Variants in PON3 observed in about 807,000 individuals in gnomAD.
PON3 encodes serum paraoxonase/lactonase 3.
A neutral mutation model predicts 36.3 loss-of-function variants in PON3; 37 were observed. The ratio of observed to expected loss-of-function variants is 1.02; its 90% CI spans 0.78 to 1.34. PON3 has a LOEUF of 1.34. PON3 is among the 40% of genes most tolerant of loss of function. The probability of loss-of-function intolerance (pLI) is 0.00; values close to 1 mark genes in which losing one functional copy is unlikely to be tolerated. For missense variants in PON3, 415 were observed against 426.5 expected (o/e 0.97, Z 0.24); for synonymous variants, 155 against 154.8 (o/e 1.00, Z -0.01).
intron 3 of PON3, among the ~76,000 whole-genome samples, chr7:95,378,878 G>C (rs1280513245): frequency 6.6e-6 from 1 of 152,152 alleles, no homozygotes. Context: ...ACATCATAAT[G>C]ACAGGGCCAA....
rs111272106 is a variant in PON3, at chr7:95,390,869, C to T, written c.146-660G>A. Among the ~76,000 whole-genome samples, 114 of 152,252 alleles carry T rather than the reference C, an allele frequency of 7.5e-4. 1 individual carries two copies. Among genetic ancestry groups the T allele is most frequent in the African/African-American group, 2.4e-3 (101 of 41,552 alleles). On this transcript the variant is annotated intron_variant, in intron 2 of 8. Coordinates refer to ENST00000265627, the MANE Select transcript of PON3 (RefSeq NM_000940.3). ...GTTGAAAAAGGAGCTGTCACCTACA[C>T]TACGCCTGCACGACAGGCCCCATGC...
chr7:95,375,508 T>C (rs1454051430), intron 3 of PON3, among the ~76,000 whole-genome samples: 2 of 152,090 alleles, frequency 1.3e-5, no homozygotes, highest in African/African-American at 4.8e-5. Context: ...AGACTCTCTC[T>C]GCCACACATA....
At chr7:95,364,703 T>C (rs1808653039) in intron 5 of PON3, 1 of 156,756 alleles carries the variant, frequency 6.4e-6, no homozygotes, top group Admixed American at 6.1e-5. Context: ...CTTGGCAGTT[T>C]TGAGCCACCA....
intron 2 of PON3, among the ~76,000 whole-genome samples, chr7:95,391,343 TC>T (rs1382606624): frequency 6.6e-6 from 1 of 152,204 alleles, no homozygotes; most frequent in Non-Finnish European, 1.5e-5. Context: ...TACTCGATAA[TC>T]CTGCCTAGTG....
chr7:95,384,429 G>A (rs1201644389), intron 3 of PON3, among the ~76,000 whole-genome samples: 1 of 152,100 alleles, frequency 6.6e-6, no homozygotes, highest in African/African-American at 2.4e-5. Context: ...CCTACAGAAT[G>A]CAAGAAAATT....
chr7:95,377,473 G>T, intron 3 of PON3: 1 of 276,948 alleles, frequency 3.6e-6, no homozygotes, highest in South Asian at 2.8e-5. Context: ...TCCTCAAGTG[G>T]GTCTCTGACA....
Position 95,362,533 on chromosome 7 carries a change from T to C in PON3, c.778-43A>G, listed in dbSNP as rs778446325. 3.1e-6 allele frequency: 5 copies of C among 1,612,202 alleles called. No individual in the cohort carries two copies. In the African/African-American group the frequency reaches 6.7e-5, roughly 22 times the overall value. On this transcript the variant is annotated intron_variant, in intron 7 of 8. Coordinates refer to ENST00000265627, the MANE Select transcript of PON3 (RefSeq NM_000940.3). ...GTAGTGAAGACATTGTCTCAATGAT[T>C]CCTCGCTTTCTTCCCTATTCATCCC... is the stretch of plus-strand genomic sequence containing the variant.
chr7:95,377,401 C>T, intron 3 of PON3: 1 of 205,500 alleles, frequency 4.9e-6, no homozygotes, highest in South Asian at 5.2e-5. Flanking sequence ...TGTCTGACAG[C>T]TCTGAAGACA....
intron 4 of PON3, among the ~76,000 whole-genome samples, chr7:95,370,362 G>C (rs536498025): frequency 6.6e-6 from 1 of 152,132 alleles, no homozygotes; most frequent in Non-Finnish European, 1.5e-5. Flanking sequence ...TCAGACTGGA[G>C]AGATATTGGA....
intron 3 of PON3, among the ~76,000 whole-genome samples, chr7:95,387,246 G>A (rs1809216100): frequency 6.6e-6 from 1 of 152,082 alleles, no homozygotes; most frequent in African/African-American, 2.4e-5. Context: ...CCCATCATCT[G>A]AGCCTCAAAT....
chr7:95,371,130 A>G (rs1186939926), intron 4 of PON3, among the ~76,000 whole-genome samples: 1 of 152,134 alleles, frequency 6.6e-6, no homozygotes, highest in Non-Finnish European at 1.5e-5. Flanking sequence ...TGAGTAGTTC[A>G]TTTCTTTTTA....
intron 3 of PON3, among the ~76,000 whole-genome samples, chr7:95,376,334 C>T (rs1438439947): frequency 6.6e-6 from 1 of 152,160 alleles, no homozygotes. Context: ...TGTTTGTCAT[C>T]CCTAAATAGA....
intron 3 of PON3, among the ~76,000 whole-genome samples, chr7:95,382,392 CAA>C: frequency 6.6e-6 from 1 of 152,012 alleles, no homozygotes; most frequent in African/African-American, 2.4e-5. Flanking sequence ...AAAAACCCTT[CAA>C]AAAATCAATG....
intron 3 of PON3, among the ~76,000 whole-genome samples, chr7:95,382,568 T>C (rs1809085294): frequency 6.6e-6 from 1 of 152,204 alleles, no homozygotes; most frequent in Non-Finnish European, 1.5e-5. Flanking sequence ...CAGGATACTA[T>C]AAACACATCT....
intron 3 of PON3, among the ~76,000 whole-genome samples, chr7:95,383,085 G>T (rs1384560762): frequency 6.6e-6 from 1 of 152,102 alleles, no homozygotes; most frequent in Non-Finnish European, 1.5e-5. Context: ...CATATAAACA[G>T]AACTGAAGAT....
intron 3 of PON3, among the ~76,000 whole-genome samples, chr7:95,375,281 T>C (rs1221609875): frequency 6.6e-6 from 1 of 150,890 alleles, no homozygotes; most frequent in Non-Finnish European, 1.5e-5. Context: ...TGTGTATATA[T>C]GTACGTATAT....
At chr7:95,386,719 G>A (rs1340607213) in intron 3 of PON3, among the ~76,000 whole-genome samples, 1 of 152,112 alleles carries the variant, frequency 6.6e-6, no homozygotes, top group Non-Finnish European at 1.5e-5. Context: ...GAACATTGAT[G>A]CGAAAATCCT....
intron 2 of PON3, 120 bp from the exon 3 acceptor site, chr7:95,390,329 CA>C: frequency 1.2e-6 from 1 of 846,616 alleles, no homozygotes; most frequent in South Asian, 1.3e-5. Flanking sequence ...CTTGTTCAAC[CA>C]TTTACTTGGG....
At chr7:95,360,202 A>G in intron 8 of PON3, 71 bp from the exon 9 acceptor site, 1 of 1,362,284 alleles carries the variant, frequency 7.3e-7, no homozygotes, top group East Asian at 2.3e-5. Flanking sequence ...CTTCCCAAAC[A>G]TTCTAGGATA....
Sources: gnomAD v4.1 joint callset for allele counts (sites outside exome capture counted in the v4.1 genomes callset) on GRCh38, gnomAD v4.1.1 for gene constraint, MANE v1.5 for transcripts, NCBI Gene and HGNC (gene_info 2026-07-23, HGNC 2026-07-21) for gene names.